The following PDE8B variants were observed in gnomAD, a reference collection of about 807,000 sequenced individuals.
The protein encoded by PDE8B is high affinity cAMP-specific and IBMX-insensitive 3',5'-cyclic phosphodiesterase 8B.
In PDE8B, 26 loss-of-function variants were observed where a neutral mutation model predicts 101.3. The observed-to-expected ratio is 0.26, with a 90% CI of 0.19 to 0.36. PDE8B has a LOEUF of 0.36. PDE8B is among the 10% of genes least tolerant of loss of function. PDE8B has a pLI of 1.00. For missense variants in PDE8B, 810 were observed against 1,163.1 expected (o/e 0.70, Z 4.42); for synonymous variants, 424 against 429.3 (o/e 0.99, Z 0.15).
chr5:77,385,977 CG>C (rs1173291237), intron 10 of PDE8B, among the ~76,000 whole-genome samples: 4 of 151,898 alleles, frequency 2.6e-5, no homozygotes, highest in Admixed American at 1.3e-4. Flanking sequence ...TTAGTAGAGA[CG>C]GGGTTTCACT....
the PDE8B span, among the ~76,000 whole-genome samples, chr5:77,198,180 A>G: frequency 6.6e-6 from 1 of 152,042 alleles, no homozygotes; most frequent in African/African-American, 2.4e-5. Context: ...TATTTTCTCT[A>G]GGGATTCTTT....
chr5:77,305,159 A>G (rs971878571), intron 1 of PDE8B, among the ~76,000 whole-genome samples: 1 of 152,238 alleles, frequency 6.6e-6, no homozygotes, highest in Admixed American at 6.5e-5. Context: ...AGTTGAAGAC[A>G]CTTGGGCCCC....
intron 1 of PDE8B, among the ~76,000 whole-genome samples, chr5:77,255,445 T>C (rs112564217): frequency 7.9e-5 from 12 of 152,320 alleles, no homozygotes; most frequent in African/African-American, 2.9e-4. Flanking sequence ...AAATCCTTAA[T>C]AATTTAGTAT....
chr5:77,181,020 G>A, the PDE8B span, among the ~76,000 whole-genome samples: 5 of 151,698 alleles, frequency 3.3e-5, no homozygotes, highest in African/African-American at 7.3e-5. Flanking sequence ...GCACCTCAGT[G>A]CCTAGCTCCA....
chr5:77,300,862 G>A (rs1439322027), intron 1 of PDE8B, among the ~76,000 whole-genome samples: 1 of 152,228 alleles, frequency 6.6e-6, no homozygotes, highest in Non-Finnish European at 1.5e-5. Context: ...TAACTGCTTG[G>A]AAATCATGAT....
chr5:77,182,315 A>G, the PDE8B span, among the ~76,000 whole-genome samples: 4 of 151,800 alleles, frequency 2.6e-5, no homozygotes, highest in Non-Finnish European at 2.9e-5. Context: ...TTTAATTCCA[A>G]TCTGTTCATA....
At chr5:77,321,918 A>G (rs1775157863) in intron 2 of PDE8B, among the ~76,000 whole-genome samples, 2 of 152,192 alleles carry the variant, frequency 1.3e-5, no homozygotes, top group African/African-American at 2.4e-5. Context: ...CATTGAAAAA[A>G]TCATTACAGT....
chr5:77,404,111 C>T (rs1441103489), intron 11 of PDE8B, among the ~76,000 whole-genome samples: 1 of 152,204 alleles, frequency 6.6e-6, no homozygotes, highest in Non-Finnish European at 1.5e-5. Flanking sequence ...CCTCAGCCTC[C>T]TGGGTAGCTG....
the PDE8B span, among the ~76,000 whole-genome samples, chr5:77,173,768 G>T: frequency 5.3e-5 from 8 of 151,966 alleles, no homozygotes; most frequent in African/African-American, 1.9e-4. Context: ...AAAGAAAAAT[G>T]CTTCTAGCTC....
At position 77,408,909 on chromosome 5, in the gene PDE8B, A is replaced by G. The variant is rs1252332847; in HGVS notation, c.1382A>G (p.Asn461Ser). The G allele has an allele frequency of 7.4e-6, 12 of 1,613,414 alleles. No homozygotes were observed. The highest frequency in any genetic ancestry group is 2.2e-5 in the East Asian group (1 of 44,886). ...APITKVINII[N>S]AAQENSPVTV... is the part of the protein sequence containing the mutation. ...CTCCGTTAGGTTATAAATATAATCA[A>G]TGCAGCCCAAGAAAACAGCCCAGTC... The change falls in exon 14 of 22, where the codon AAT becomes AGT. Residue 461 changes from asparagine to serine, a missense_variant. By Grantham distance (46) the Asn-to-Ser change is conservative. This residue lies in a region of PDE8B where 325 missense variants were observed against 560.9 expected (regional missense o/e 0.58). Coordinates refer to ENST00000264917, the MANE Select transcript of PDE8B (RefSeq NM_003719.5).
intron 10 of PDE8B, among the ~76,000 whole-genome samples, chr5:77,377,798 C>T (rs747652539): frequency 2.6e-5 from 4 of 152,138 alleles, no homozygotes; most frequent in Admixed American, 6.6e-5. Flanking sequence ...CAAATTTGCC[C>T]TTGCTTCTTA....
intron 2 of PDE8B, 31 bp from the exon 3 acceptor site, chr5:77,325,508 A>G (rs1321214839): frequency 6.2e-7 from 1 of 1,601,868 alleles, no homozygotes; most frequent in Non-Finnish European, 8.6e-7. Flanking sequence ...ATGATGATTT[A>G]TTTCAAGATG....
At chr5:77,419,643 C>A in intron 18 of PDE8B, 124 bp from the exon 19 acceptor site, 1 of 1,123,260 alleles carries the variant, frequency 8.9e-7, no homozygotes, top group Non-Finnish European at 1.3e-6. Flanking sequence ...GTGATCTGCA[C>A]ACATTTCTTA....
intron 19 of PDE8B, among the ~76,000 whole-genome samples, chr5:77,421,581 A>G (rs879798655): frequency 7.1e-6 from 1 of 141,138 alleles, no homozygotes; most frequent in Non-Finnish European, 1.6e-5. Flanking sequence ...GGGACTTTCA[A>G]CTTTCAAACT....
the PDE8B span, chr5:77,141,990 ATAATG>A: frequency 1.3e-5 from 2 of 152,238 alleles, no homozygotes; most frequent in Non-Finnish European, 2.9e-5. Flanking sequence ...AACACGTAAC[ATAATG>A]TAAAGAAAAG....
At chr5:77,336,019 G>C (rs1367586579) in intron 5 of PDE8B, among the ~76,000 whole-genome samples, 1 of 152,122 alleles carries the variant, frequency 6.6e-6, no homozygotes, top group Non-Finnish European at 1.5e-5. Context: ...TTGGGATTAA[G>C]TGAAAAAGGG....
At chr5:77,142,333 T>C in the PDE8B span, 1 of 152,222 alleles carries the variant, frequency 6.6e-6, no homozygotes, top group Non-Finnish European at 1.5e-5. Context: ...TGATGTACAC[T>C]AAACTGCACT....
chr5:77,308,188 T>A (rs569396700), intron 1 of PDE8B, among the ~76,000 whole-genome samples: 2 of 152,240 alleles, frequency 1.3e-5, no homozygotes, highest in Middle Eastern at 3.4e-3. Flanking sequence ...AAGAACAAGT[T>A]CCAGTGTTCT....
chr5:77,104,880 C>T, the PDE8B span: 1 of 152,216 alleles, frequency 6.6e-6, no homozygotes, highest in East Asian at 1.9e-4. Context: ...GAAATGTATA[C>T]AACCATGTAA....
Sources: allele counts gnomAD v4.1 joint callset (sites outside exome capture counted in the v4.1 genomes callset), GRCh38; gene constraint gnomAD v4.1.1; regional missense constraint gnomAD v4.1.1; transcripts MANE v1.5; gene names NCBI Gene and HGNC (gene_info 2026-07-23, HGNC 2026-07-21).